ZFAT: variants seen among roughly 807,000 people sequenced by gnomAD.
ZFAT encodes zinc finger and AT-hook domain containing, also known as zinc finger protein ZFAT.
ZFAT carries 64 observed loss-of-function variants against 117.7 expected under a neutral mutation model. That is an observed-to-expected ratio of 0.54 (90% CI 0.44 to 0.67). The LOEUF is 0.67. Among genes scored for constraint, ZFAT ranks in the 30% least tolerant of loss-of-function variants. The pLI, the probability that ZFAT is intolerant of heterozygous loss-of-function variation, is 0.00. For synonymous variants in ZFAT, 679 were observed against 615.0 expected, an observed-to-expected ratio of 1.10 and a Z score of -1.54; for missense variants, 1,433 against 1,584.5, an observed-to-expected ratio of 0.90 and a Z score of 1.62.
In ZFAT at chr8:134,712,723, CCGGCGGCCGG is replaced by C. The variant is rs1023188553; in HGVS notation, c.19+112_19+121del. On this transcript the variant is annotated intron_variant, in intron 1 of 15. Coordinates refer to ENST00000377838, the MANE Select transcript of ZFAT (RefSeq NM_020863.4). ...TCCCCAGACCCGGATCCCTCCGCGG[CCGGCGGCCGG>C]CGGCCGGCGGCCGGCGCACTGCTTC... The C allele has an allele frequency of 3.9e-4, 281 of 728,914 alleles. 5 individuals are homozygous for C. The highest frequency in any genetic ancestry group is 3.3e-5 in the Non-Finnish European group (17 of 520,546). 45.2% of individuals were successfully genotyped at this position (728,914 alleles called of 1,614,324 possible).
chr8:134,746,975 G>T, the ZFAT span, among the ~76,000 whole-genome samples: 1 of 152,106 alleles, frequency 6.6e-6, no homozygotes. Flanking sequence ...AAGCTGTGCT[G>T]ATTCTTAGTC....
chr8:134,606,090 A>C (rs1471417923), intron 5 of ZFAT, among the ~76,000 whole-genome samples: 3 of 152,214 alleles, frequency 2.0e-5, no homozygotes, highest in African/African-American at 7.2e-5. Flanking sequence ...AGGAAAAGGA[A>C]GCGGTGCCTG....
chr8:134,612,601 C>T (rs943249912), intron 3 of ZFAT, among the ~76,000 whole-genome samples: 2 of 152,226 alleles, frequency 1.3e-5, no homozygotes, highest in Non-Finnish European at 2.9e-5. Context: ...GTTCGTCCCA[C>T]AATCCAGGTG....
chr8:134,667,811 C>T (rs1832312811), intron 1 of ZFAT, among the ~76,000 whole-genome samples: 2 of 152,232 alleles, frequency 1.3e-5, no homozygotes, highest in East Asian at 3.9e-4. Flanking sequence ...CAGGGCGAGG[C>T]ATCACCTCAC....
intron 2 of ZFAT, among the ~76,000 whole-genome samples, chr8:134,652,959 C>A (rs1831335393): frequency 1.3e-5 from 2 of 151,838 alleles, no homozygotes; most frequent in Non-Finnish European, 2.9e-5. Flanking sequence ...ATATTCATGA[C>A]AACATTTATT....
chr8:134,638,549 C>CAAAAAAAAAAAAAAAAAAAAAA (rs758050176), intron 2 of ZFAT, among the ~76,000 whole-genome samples: 6 of 101,122 alleles, frequency 5.9e-5, no homozygotes, highest in African/African-American at 2.2e-4. Context: ...ACTAAAAATA[C>CAAAAAAAAAAAAAAAAAAAAAA]AAAAAAAAAA....
At chr8:134,700,039 G>T (rs1833968819) in intron 1 of ZFAT, among the ~76,000 whole-genome samples, 1 of 152,236 alleles carries the variant, frequency 6.6e-6, no homozygotes, top group South Asian at 2.1e-4. Flanking sequence ...CTCTGATGGA[G>T]TCTTAGGCAC....
chr8:134,595,163 T>C (rs936325835), intron 7 of ZFAT, among the ~76,000 whole-genome samples: 1 of 152,154 alleles, frequency 6.6e-6, no homozygotes, highest in African/African-American at 2.4e-5. Flanking sequence ...ACCCAGCACA[T>C]TCATGCACAC....
intron 11 of ZFAT, among the ~76,000 whole-genome samples, chr8:134,550,810 C>T (rs1195615891): frequency 6.6e-6 from 1 of 152,176 alleles, no homozygotes; most frequent in Non-Finnish European, 1.5e-5. Context: ...CCTGTTACCA[C>T]CACCACATGG....
chr8:134,667,839 A>G (rs963224219), intron 1 of ZFAT, among the ~76,000 whole-genome samples: 90 of 152,316 alleles, frequency 5.9e-4, no homozygotes, highest in African/African-American at 2.1e-3. Context: ...GTAAGGGGTC[A>G]GGGAATTCAC....
At chr8:134,498,183 G>C (rs373102613) in intron 15 of ZFAT, among the ~76,000 whole-genome samples, 1 of 66,908 alleles carries the variant, frequency 1.5e-5, no homozygotes, top group African/African-American at 5.8e-5. Flanking sequence ...GTTACACACA[G>C]AGCCTGATTT....
chr8:134,655,375 C>T (rs193064882), intron 2 of ZFAT, among the ~76,000 whole-genome samples: 25 of 152,264 alleles, frequency 1.6e-4, no homozygotes, highest in Middle Eastern at 3.4e-3. Flanking sequence ...AGGCGGGGTA[C>T]GGTGGCTCAC....
intron 15 of ZFAT, among the ~76,000 whole-genome samples, chr8:134,479,084 G>T (rs1034946753): frequency 6.6e-6 from 1 of 152,306 alleles, no homozygotes; most frequent in South Asian, 2.1e-4. Flanking sequence ...TACTGCAGGT[G>T]TCAGTGGTAG....
At chr8:134,641,589 G>A (rs6577717) in intron 2 of ZFAT, among the ~76,000 whole-genome samples, 2 of 152,070 alleles carry the variant, frequency 1.3e-5, no homozygotes, top group East Asian at 1.9e-4. Context: ...TGATTGTTTC[G>A]ATTTTTCCCC....
chr8:134,806,410 T>G, the ZFAT span, among the ~76,000 whole-genome samples: 2 of 152,214 alleles, frequency 1.3e-5, no homozygotes, highest in Non-Finnish European at 2.9e-5. Context: ...TGAAGAAAAA[T>G]ACTTTTTTAA....
chr8:134,619,823 A>G (rs1828990803), intron 3 of ZFAT, among the ~76,000 whole-genome samples: 1 of 152,202 alleles, frequency 6.6e-6, no homozygotes, highest in African/African-American at 2.4e-5. Context: ...AAAGATAAGG[A>G]GTCCGAAGCT....
the ZFAT span, among the ~76,000 whole-genome samples, chr8:134,750,469 C>G: frequency 1.3e-5 from 2 of 151,948 alleles, no homozygotes; most frequent in East Asian, 3.9e-4. Context: ...CTGGATAGGC[C>G]CTCCAGTACA....
intron 1 of ZFAT, 51 bp from the exon 2 acceptor site, chr8:134,657,788 T>C (rs1831702807): frequency 6.4e-7 from 1 of 1,571,732 alleles, no homozygotes; most frequent in Non-Finnish European, 8.7e-7. Context: ...CATAAACAAT[T>C]ATTACTTCCA....
At chr8:134,491,173 A>G (rs1238458090) in intron 15 of ZFAT, among the ~76,000 whole-genome samples, 1 of 152,266 alleles carries the variant, frequency 6.6e-6, no homozygotes, top group Non-Finnish European at 1.5e-5. Flanking sequence ...ACATGTAAAC[A>G]CAGAGTACTG....
Sources: gnomAD v4.1 joint callset for allele counts (sites outside exome capture counted in the v4.1 genomes callset) on GRCh38, gnomAD v4.1.1 for gene constraint, MANE v1.5 for transcripts, NCBI Gene and HGNC (gene_info 2026-07-23, HGNC 2026-07-21) for gene names.